The following KIF3A variants were observed in gnomAD, a reference collection of about 807,000 sequenced individuals.
KIF3A encodes the protein kinesin-like protein KIF3A.
In KIF3A, 27 loss-of-function variants were observed where a neutral mutation model predicts 92.6. The ratio of observed to expected loss-of-function variants is 0.29; its 90% CI spans 0.21 to 0.40. The LOEUF (loss-of-function observed/expected upper bound fraction) is 0.40, where lower values mean the gene tolerates loss of function less well. KIF3A is among the 10% of genes least tolerant of loss of function. The pLI is 1.00. For missense variants in KIF3A, 581 were observed against 872.6 expected (o/e 0.67, Z 4.21); for synonymous variants, 250 against 275.4 (o/e 0.91, Z 0.92).
intron 1 of KIF3A, chr5:132,736,965 A>C: frequency 3.2e-6 from 1 of 308,854 alleles, no homozygotes. Context: ...AGGCTAGGAG[A>C]CTCGGAGTAT....
At chr5:132,710,042 G>C (rs1484715953) in intron 9 of KIF3A, among the ~76,000 whole-genome samples, 1 of 152,138 alleles carries the variant, frequency 6.6e-6, no homozygotes, top group Non-Finnish European at 1.5e-5. Context: ...AGAGAGTTCT[G>C]AAATAAATAT....
downstream of KIF3A, among the ~76,000 whole-genome samples, chr5:132,690,211 G>A (rs1752628783): frequency 6.6e-6 from 1 of 151,844 alleles, no homozygotes; most frequent in Non-Finnish European, 1.5e-5. Context: ...GTGAGACTCT[G>A]TCTCAAAAAA....
Position 132,734,419 on chromosome 5 carries a change from C to T in KIF3A, c.66G>A (p.Arg22=), listed in dbSNP as rs777083157. The change falls in exon 2 of 19, where the codon CGG becomes CGA. Residue 22 remains arginine, a synonymous_variant. Transcript: ENST00000403231. ...TTGATTTCTCTCTCTCATTGAGGGG[C>T]CGGCACCTAACAACAACCTTCACAT... is the stretch of plus-strand genomic sequence containing the variant. ...CDNVKVVVRC[R]PLNEREKSMC... The T allele has an allele frequency of 4.3e-6, 7 of 1,613,910 alleles. 1 individual carries two copies. The East Asian group carries it at 1.3e-4, about 31-fold the overall frequency.
chr5:132,725,993 G>T (rs1179509358), intron 4 of KIF3A, 135 bp downstream of exon 4: 2 of 555,340 alleles, frequency 3.6e-6, no homozygotes, highest in East Asian at 3.0e-5. Context: ...GTCTGCAGAT[G>T]TACGACATTA....
rs1188674520 is a variant in KIF3A at position 132,718,498 on chromosome 5, C to G, written c.617-1514G>C. On this transcript the variant is annotated intron_variant, in intron 5 of 18. Transcript: ENST00000403231. ...CTAATTTTTGTATTTTTAGCAGAGA[C>G]GAGGTTTCACCAGGTTGGCCAGGCT... is the stretch of plus-strand genomic sequence containing the variant. Among the ~76,000 whole-genome samples the G allele has an allele frequency of 3.3e-5, 5 of 152,064 alleles. No individual in the cohort carries two copies. The South Asian group carries it at 1.0e-3, about 32-fold the overall frequency.
At chr5:132,700,382 A>G in intron 16 of KIF3A, 98 bp from the exon 17 acceptor site, 1 of 786,178 alleles carries the variant, frequency 1.3e-6, no homozygotes, top group South Asian at 1.7e-5. Flanking sequence ...TTACACTAGT[A>G]AAACATGATT....
Position 132,702,335 on chromosome 5 carries a change from T to C in KIF3A, c.1759-123A>G, listed in dbSNP as rs570780680. Reference sequence around the variant, plus strand: ...AGCTTACCTAGTTCTTTTATAAAAATGATAAACAGCGTGACACTATCAGCA... The same window carrying C: ...AGCTTACCTAGTTCTTTTATAAAAACGATAAACAGCGTGACACTATCAGCA... On this transcript the variant is annotated intron_variant, in intron 14 of 18. Coordinates refer to ENST00000403231, the MANE Select transcript of KIF3A (RefSeq NM_001300791.2). 7 of 936,844 alleles carry C rather than the reference T, an allele frequency of 7.5e-6. No homozygotes were observed. In the African/African-American group the frequency reaches 9.9e-5, roughly 13 times the overall value. The allele number at this position is 936,844 out of a possible 1,614,324, so 58.0% of individuals were successfully genotyped here.
intron 10 of KIF3A, among the ~76,000 whole-genome samples, 177 bp downstream of exon 10, chr5:132,708,730 T>C (rs946883282): frequency 2.6e-5 from 4 of 152,240 alleles, no homozygotes; most frequent in Non-Finnish European, 4.4e-5. Context: ...TTAACAATTA[T>C]GATTAACTGG....
chr5:132,720,647 T>A lies in KIF3A; in HGVS notation c.578A>T (p.Asp193Val). ...DLSAYVVNNA[D>V]DMDRIMTLGH... is the part of the protein sequence containing the mutation. Reference sequence around the variant, plus strand: ...TAGCGTCATAATTCTATCCATATCATCAGCATTATTTACCACATAAGCTGA... The same window carrying A: ...TAGCGTCATAATTCTATCCATATCAACAGCATTATTTACCACATAAGCTGA... Residue 193 changes from aspartate (D) to valine (V), a missense_variant, in exon 5 of 19, where the codon GAT (aspartate) becomes GTT (valine). This residue lies in a region of KIF3A where 217 missense variants were observed against 299.7 expected (regional missense o/e 0.72). Transcript: ENST00000403231. The A allele has an allele frequency of 6.2e-7, 1 of 1,612,146 alleles. No individual in the cohort carries two copies. The highest frequency in any genetic ancestry group is 1.1e-5 in the South Asian group (1 of 90,844).
rs2149895211 is a variant in KIF3A, at chr5:132,702,661, C to T, written c.1655G>A (p.Arg552His). The T allele has an allele frequency of 1.9e-6, 3 of 1,603,622 alleles. No individual in the cohort carries two copies. Among genetic ancestry groups the T allele is most frequent in the South Asian group, 2.2e-5 (2 of 89,346 alleles). Residue 552 changes from arginine to histidine, a missense_variant, in exon 14 of 19, where the codon CGC becomes CAC. Around this residue, in one of 5 missense-constraint regions of KIF3A, gnomAD observed 45 missense variants for 115.8 expected, o/e 0.39. Coordinates refer to ENST00000403231, the MANE Select transcript of KIF3A (RefSeq NM_001300791.2). ...GGTATATTTTTCTTCAATATCCAAG[C>T]GTTCTTGCTATGACAAAAATTAGTA... ...RRELEEKEQERLDIEEKYTSL... is the reference protein window; with the variant it reads ...RRELEEKEQEHLDIEEKYTSL...
downstream of KIF3A, among the ~76,000 whole-genome samples, chr5:132,691,466 G>T (rs1164540279): frequency 2.6e-5 from 4 of 151,744 alleles, no homozygotes; most frequent in Admixed American, 2.6e-4. Context: ...AGAATCACTT[G>T]AACTTGGGGG....
rs768023298 is a variant in KIF3A, at chr5:132,702,098, G to A, written c.1873C>T (p.Arg625Trp). ...AACTTCCTTTTTACCTGATAATCCC[G>A]AGGTATAAAGTTATCAATAATAAGC... Reference protein sequence around the residue: ...QMLIIDNFIPRDYQEMIENYV... With the variant: ...QMLIIDNFIPWDYQEMIENYV... Residue 625 changes from arginine to tryptophan, a missense_variant, in exon 15 of 19, where the codon CGG becomes TGG. Transcript: ENST00000403231. The A allele has an allele frequency of 6.8e-6, 11 of 1,608,098 alleles. No homozygotes were observed. Among genetic ancestry groups the A allele is most frequent in the East Asian group, 2.2e-5 (1 of 44,850 alleles).
At chr5:132,733,863 T>G (rs1441061782) in intron 2 of KIF3A, among the ~76,000 whole-genome samples, 1 of 152,170 alleles carries the variant, frequency 6.6e-6, no homozygotes, top group African/African-American at 2.4e-5. Context: ...ACAATCCCTA[T>G]GAAAATCCTA....
rs1174752884 is a variant in KIF3A at position 132,693,142 on chromosome 5, C to T, written c.*3492G>A. The T allele has an allele frequency of 1.3e-5, 2 of 148,558 alleles. No individual in the cohort carries two copies. Among genetic ancestry groups the T allele is most frequent in the Non-Finnish European group, 3.0e-5 (2 of 67,488 alleles). The allele number at this position is 148,558 out of a possible 1,614,324, so 9.2% of individuals were successfully genotyped here. On this transcript the variant is annotated 3_prime_UTR_variant, in exon 19 of 19. Transcript: ENST00000403231. ...GAGGAAGTAGCACCACCCCCTCCCCCAATAAAACCTTAAATTTTTGCTGTA... is the reference window on the plus strand; with the variant it reads ...GAGGAAGTAGCACCACCCCCTCCCCTAATAAAACCTTAAATTTTTGCTGTA...
chr5:132,726,891 C>T (rs1754052223), intron 2 of KIF3A, among the ~76,000 whole-genome samples: 1 of 152,210 alleles, frequency 6.6e-6, no homozygotes, highest in South Asian at 2.1e-4. Flanking sequence ...TCTCAAACCA[C>T]ATCTGCCACT....
intron 2 of KIF3A, among the ~76,000 whole-genome samples, chr5:132,731,668 AG>A (rs1434657422): frequency 1.3e-5 from 2 of 152,124 alleles, no homozygotes; most frequent in African/African-American, 4.8e-5. Flanking sequence ...AAATTAAAGG[AG>A]ATTGGAAAGG....
intron 2 of KIF3A, among the ~76,000 whole-genome samples, chr5:132,728,250 A>G (rs901894729): frequency 2.0e-5 from 3 of 152,026 alleles, no homozygotes; most frequent in Non-Finnish European, 4.4e-5. Flanking sequence ...CACTCAGACT[A>G]GAGAGCAGTG....
At chr5:132,727,418 G>A (rs978901881) in intron 2 of KIF3A, among the ~76,000 whole-genome samples, 2 of 152,164 alleles carry the variant, frequency 1.3e-5, no homozygotes, top group African/African-American at 4.8e-5. Flanking sequence ...AAAAAGGAGA[G>A]GGGGTCAGGG....
At position 132,732,040 on chromosome 5, in the gene KIF3A, A is replaced by AT. The variant is rs1251758297; in HGVS notation, c.280+2164dup. On this transcript the variant is annotated intron_variant, in intron 2 of 18. Transcript: ENST00000403231. The stretch of plus-strand genomic sequence containing the variant: ...TCTTACAAGTAGAAAATCCTACAAA[A>AT]TTTACAAAAAACCCAAAACATAAAA... 3.9e-5 allele frequency among the ~76,000 whole-genome samples: 6 copies of AT among 152,282 alleles called. No homozygotes were observed. In the South Asian group the frequency reaches 1.2e-3, roughly 32 times the overall value.
Sources: gnomAD v4.1 joint callset for allele counts (sites outside exome capture counted in the v4.1 genomes callset) on GRCh38, gnomAD v4.1.1 for gene constraint, gnomAD v4.1.1 regional missense constraint, MANE v1.5 for transcripts, NCBI Gene and HGNC (gene_info 2026-07-23, HGNC 2026-07-21) for gene names.